Variants in CCSER1 observed in about 807,000 individuals in gnomAD.
CCSER1 encodes coiled-coil serine rich protein 1, also known as serine-rich coiled-coil domain-containing protein 1.
CCSER1 carries 41 observed loss-of-function variants against 82.0 expected under a neutral mutation model. That is an observed-to-expected ratio of 0.50 (90% confidence interval 0.39 to 0.65). CCSER1 has a LOEUF of 0.65. CCSER1 is among the 30% of genes least tolerant of loss of function. The pLI is 0.00. For synonymous variants in CCSER1, 414 were observed against 383.9 expected (o/e 1.08, Z -0.92); for missense variants, 1,119 against 1,064.2 (o/e 1.05, Z -0.72).
At chr4:90,483,238 C>T (rs1429767154) in intron 5 of CCSER1, among the ~76,000 whole-genome samples, 3 of 152,186 alleles carry the variant, frequency 2.0e-5, no homozygotes, top group Admixed American at 1.3e-4. Flanking sequence ...GATCTTCCTC[C>T]ATCCCTTTAT....
intron 5 of CCSER1, among the ~76,000 whole-genome samples, chr4:90,565,732 A>G (rs1444297858): frequency 6.6e-6 from 1 of 152,198 alleles, no homozygotes; most frequent in Non-Finnish European, 1.5e-5. Context: ...TTTGAATTTT[A>G]TCAAATGCTT....
At chr4:90,306,693 G>A (rs1008757105) in intron 1 of CCSER1, among the ~76,000 whole-genome samples, 6 of 152,128 alleles carry the variant, frequency 3.9e-5, no homozygotes, top group Non-Finnish European at 8.8e-5. Context: ...TTATCAGGAT[G>A]ATAAAATAGA....
intron 10 of CCSER1, among the ~76,000 whole-genome samples, chr4:91,234,694 A>T (rs1337654985): frequency 6.6e-6 from 1 of 152,146 alleles, no homozygotes; most frequent in Non-Finnish European, 1.5e-5. Context: ...TTGTAGTGAC[A>T]TTTCACTTTG....
At chr4:90,504,337 T>C (rs1770378595) in intron 5 of CCSER1, among the ~76,000 whole-genome samples, 1 of 152,212 alleles carries the variant, frequency 6.6e-6, no homozygotes, top group Admixed American at 6.5e-5. Context: ...TAATGAAATG[T>C]ACATACACAT....
chr4:90,613,287 G>A (rs1006944462), intron 5 of CCSER1, among the ~76,000 whole-genome samples: 1 of 152,154 alleles, frequency 6.6e-6, no homozygotes, highest in Non-Finnish European at 1.5e-5. Flanking sequence ...AGAGAACTGA[G>A]ATAGAAGCAG....
intron 8 of CCSER1, among the ~76,000 whole-genome samples, chr4:90,890,370 G>A (rs1722781224): frequency 6.6e-6 from 1 of 152,176 alleles, no homozygotes; most frequent in Admixed American, 6.6e-5. Context: ...TACTGGTGCT[G>A]TGTTCATATA....
At chr4:90,210,562 G>C (rs1315199196) in intron 1 of CCSER1, among the ~76,000 whole-genome samples, 3 of 151,560 alleles carry the variant, frequency 2.0e-5, no homozygotes, top group East Asian at 3.9e-4. Context: ...TCCTGCCTCA[G>C]CCTCTTGAGT....
chr4:90,793,725 G>A (rs1457065855), intron 7 of CCSER1, among the ~76,000 whole-genome samples: 1 of 152,124 alleles, frequency 6.6e-6, no homozygotes, highest in Non-Finnish European at 1.5e-5. Context: ...TCTGTTTTTA[G>A]GTCTTTGAAG....
chr4:90,759,041 C>T (rs139079122), intron 7 of CCSER1, among the ~76,000 whole-genome samples: 228 of 152,276 alleles, frequency 1.5e-3, no homozygotes, highest in African/African-American at 5.1e-3. Flanking sequence ...CTTACTGGAA[C>T]ATCTTGCACC....
At chr4:91,367,483 T>C (rs1420042733) in intron 10 of CCSER1, among the ~76,000 whole-genome samples, 2 of 149,072 alleles carry the variant, frequency 1.3e-5, no homozygotes, top group African/African-American at 5.0e-5. Context: ...AACTGGAGCA[T>C]AGGCAATTCT....
intron 10 of CCSER1, among the ~76,000 whole-genome samples, chr4:91,248,716 A>T (rs1740010566): frequency 6.6e-6 from 1 of 152,126 alleles, no homozygotes; most frequent in African/African-American, 2.4e-5. Flanking sequence ...GAAACAGAAA[A>T]AGGATATTAG....
chr4:91,213,083 T>C (rs1233952507), intron 10 of CCSER1, among the ~76,000 whole-genome samples: 1 of 152,078 alleles, frequency 6.6e-6, no homozygotes, highest in Non-Finnish European at 1.5e-5. Context: ...TTCTTTTTTA[T>C]GGCTACATAG....
intron 10 of CCSER1, among the ~76,000 whole-genome samples, chr4:91,539,724 G>T (rs1248592843): frequency 6.6e-6 from 1 of 151,962 alleles, no homozygotes; most frequent in Non-Finnish European, 1.5e-5. Context: ...TCAATTTTAA[G>T]CTTTATTCTT....
At chr4:90,919,089 TAA>T (rs71596538) in intron 8 of CCSER1, among the ~76,000 whole-genome samples, 24,762 of 86,418 alleles carry the variant, frequency 0.29, 2,068 homozygotes, top group Non-Finnish European at 0.37. Context: ...GTTTCCACAG[TAA>T]AAAAAAAAAA....
intron 6 of CCSER1, among the ~76,000 whole-genome samples, chr4:90,703,206 A>C (rs887942950): frequency 2.0e-5 from 3 of 152,130 alleles, no homozygotes; most frequent in Non-Finnish European, 4.4e-5. Context: ...GAACAACTTT[A>C]TTTCTGCCTT....
chr4:90,696,898 G>A (rs887314613), intron 6 of CCSER1, among the ~76,000 whole-genome samples: 2 of 152,120 alleles, frequency 1.3e-5, no homozygotes, highest in Admixed American at 1.3e-4. Context: ...AGAGTGTTCA[G>A]TTGTAGCAGA....
intron 10 of CCSER1, among the ~76,000 whole-genome samples, chr4:91,551,423 C>T (rs1026677193): frequency 3.9e-5 from 6 of 152,036 alleles, no homozygotes; most frequent in Non-Finnish European, 7.4e-5. Context: ...ACCTAACCTG[C>T]TGCAAAACCT....
chr4:90,921,936 C>G (rs1221307454), intron 8 of CCSER1, among the ~76,000 whole-genome samples: 1 of 152,024 alleles, frequency 6.6e-6, no homozygotes, highest in Non-Finnish European at 1.5e-5. Context: ...TCATCCCAAT[C>G]AATATGTCTA....
At chr4:90,483,255 C>G (rs1578716914) in intron 5 of CCSER1, among the ~76,000 whole-genome samples, 1 of 152,124 alleles carries the variant, frequency 6.6e-6, no homozygotes, top group Non-Finnish European at 1.5e-5. Flanking sequence ...TTATTTTGAG[C>G]CTATGTGTGT....
Sources: allele counts gnomAD v4.1 joint callset (sites outside exome capture counted in the v4.1 genomes callset), GRCh38; gene constraint gnomAD v4.1.1; transcripts MANE v1.5; gene names NCBI Gene and HGNC (gene_info 2026-07-23, HGNC 2026-07-21).